The following BRD9 variants were observed in gnomAD, a reference collection of about 807,000 sequenced individuals.
BRD9 encodes the protein bromodomain-containing protein 9.
A neutral mutation model predicts 68.7 loss-of-function variants in BRD9; 47 were observed. That is an observed-to-expected ratio of 0.68 (90% CI 0.54 to 0.87). The LOEUF (loss-of-function observed/expected upper bound fraction) is 0.87. Among genes scored for constraint, BRD9 ranks in the 40% least tolerant of loss-of-function variants. BRD9 has a pLI of 0.00. For synonymous variants in BRD9, 313 were observed against 293.9 expected, an observed-to-expected ratio of 1.06 and a Z score of -0.67; for missense variants, 670 against 748.4, an observed-to-expected ratio of 0.90 and a Z score of 1.22.
rs77521909 is a variant in BRD9 at position 887,787 on chromosome 5, G to A, written c.607-316C>T. Among the ~76,000 whole-genome samples the A allele has an allele frequency of 5.1e-3, 771 of 152,306 alleles. 6 individuals carry two copies. The highest frequency in any genetic ancestry group is 0.018 in the African/African-American group (732 of 41,574). ...ATTTCTCCAGAACATAAACAGGAAC[G>A]AGAAGCAACGACCCGATTCTTTCAA... On this transcript the variant is annotated intron_variant, in intron 5 of 15. Transcript: ENST00000467963.
rs556977204 is a variant in BRD9, at chr5:880,652, C to G, written c.1042+455G>C. ...TTACTTCCAGGCCAACAAAGTGCCCCTGACGGGCTGGACAGGCCTAGTGTG... is the reference window on the plus strand; with the variant it reads ...TTACTTCCAGGCCAACAAAGTGCCCGTGACGGGCTGGACAGGCCTAGTGTG... On this transcript the variant is annotated intron_variant, in intron 9 of 15. Coordinates refer to ENST00000467963, the MANE Select transcript of BRD9 (RefSeq NM_023924.5). 3.9e-5 allele frequency among the ~76,000 whole-genome samples: 6 copies of G among 152,328 alleles called. No individual in the cohort carries two copies. The East Asian group carries it at 1.2e-3, about 29-fold the overall frequency.
At chr5:883,444 A>G (rs1268132689) in intron 8 of BRD9, 2 of 456,648 alleles carry the variant, frequency 4.4e-6, no homozygotes, top group Admixed American at 4.7e-5. Flanking sequence ...TGGGTCTAGA[A>G]CGTCTCCTGC....
intron 3 of BRD9, among the ~76,000 whole-genome samples, chr5:890,575 T>G (rs1471972561): frequency 6.6e-6 from 1 of 152,160 alleles, no homozygotes; most frequent in Non-Finnish European, 1.5e-5. Flanking sequence ...ACGACAGAGA[T>G]TCTACTAAAG....
intron 6 of BRD9, 51 bp downstream of exon 6, chr5:887,310 G>C (rs1276748338): frequency 6.8e-7 from 1 of 1,477,822 alleles, no homozygotes; most frequent in Non-Finnish European, 9.4e-7. Context: ...CAAGCGACGG[G>C]GGGCAGAGCC....
In BRD9 at chr5:892,688, G is replaced by T; in HGVS notation, c.-31C>A. 7.3e-7 allele frequency: 1 copy of T among 1,377,844 alleles called. No individual in the cohort carries two copies. The highest frequency in any genetic ancestry group is 1.7e-5 in the South Asian group (1 of 57,878). 85.4% of individuals were successfully genotyped at this position (1,377,844 alleles called of 1,614,324 possible). On this transcript the variant is annotated 5_prime_UTR_variant, in exon 1 of 16. Transcript: ENST00000467963. ...CGCCGGCGGCGGGCCCGAGGCGGGGGCTGGGAACAGCTGGCACCCGGTCGG... is the reference window on the plus strand; with the variant it reads ...CGCCGGCGGCGGGCCCGAGGCGGGGTCTGGGAACAGCTGGCACCCGGTCGG...
At chr5:876,317 C>A in intron 11 of BRD9, 105 bp from the exon 12 acceptor site, 1 of 758,134 alleles carries the variant, frequency 1.3e-6, no homozygotes, top group Admixed American at 2.3e-5. Context: ...GCTCCTCGGT[C>A]CCCGTGACCC....
chr5:883,521 C>T (rs1211317167), intron 8 of BRD9: 2 of 439,204 alleles, frequency 4.6e-6, no homozygotes, highest in South Asian at 1.6e-5. Flanking sequence ...GCAGGAGCCA[C>T]GTGAACACAG....
rs1189021508 is a variant in BRD9 at position 863,988 on chromosome 5, A to G, written c.*480T>C. On this transcript the variant is annotated 3_prime_UTR_variant, in exon 16 of 16. Transcript: ENST00000467963. ...GACACACCCATGCCTGTGCCTCCCA[A>G]GAGCGACCCCAGGACAGTGGGGCAG... is the stretch of plus-strand genomic sequence containing the variant. 6 of 155,596 alleles carry G rather than the reference A, an allele frequency of 3.9e-5. No individual in the cohort carries two copies. Among genetic ancestry groups the G allele is most frequent in the Non-Finnish European group, 8.6e-5 (6 of 70,000 alleles). The allele number at this position is 155,596 out of a possible 1,614,324, so 9.6% of individuals were successfully genotyped here. A position where few individuals can be genotyped will look rare whatever the true frequency, so the allele number is the denominator to read the frequency against.
At chr5:873,028 G>A (rs899653016) in intron 12 of BRD9, among the ~76,000 whole-genome samples, 3 of 152,106 alleles carry the variant, frequency 2.0e-5, no homozygotes, top group Non-Finnish European at 4.4e-5. Context: ...AGCCAGGTGT[G>A]GTGGCGCATG....
In BRD9 at chr5:881,144, G is replaced by A. The variant is rs1282860808; in HGVS notation, c.1005C>T (p.Leu335=). ...YLKRNGDGSL[L]YSVVNTAEPD... ...GCTCGGCCGTGTTGACCACGCTGTA[G>A]AGCAGGCTCCCGTCCCCGTTCCTCT... Residue 335 remains leucine, a synonymous_variant, in exon 9 of 16, where the codon CTC becomes CTT. Transcript: ENST00000467963. The A allele has an allele frequency of 6.2e-7, 1 of 1,614,098 alleles. No individual in the cohort carries two copies. The highest frequency in any genetic ancestry group is 1.1e-5 in the South Asian group (1 of 91,088).
intron 1 of BRD9, 48 bp downstream of exon 1, chr5:892,558 G>A (rs1298063467): frequency 6.5e-7 from 1 of 1,529,016 alleles, no homozygotes; most frequent in Non-Finnish European, 8.8e-7. Context: ...CTCCTCCCCC[G>A]TGCCCGGGAC....
At position 892,772 on chromosome 5, in the gene BRD9, T is replaced by G. The variant is rs1246556713; in HGVS notation, c.-115A>C. 13 of 1,117,852 alleles carry G rather than the reference T, an allele frequency of 1.2e-5. No individual in the cohort carries two copies. Among genetic ancestry groups the G allele is most frequent in the Non-Finnish European group, 1.5e-5 (13 of 887,040 alleles). The allele number at this position is 1,117,852 out of a possible 1,614,324, so 69.2% of individuals were successfully genotyped here. A position where few individuals can be genotyped will look rare whatever the true frequency, so the allele number is the denominator to read the frequency against. Reference sequence around the variant, plus strand: ...GCCGCCCGCGCTCGCTGCGCCGAGGTTGCCGAGCTCGCTGGGCCGCGCCGG... The same window carrying G: ...GCCGCCCGCGCTCGCTGCGCCGAGGGTGCCGAGCTCGCTGGGCCGCGCCGG... On this transcript the variant is annotated 5_prime_UTR_variant, in exon 1 of 16. Transcript: ENST00000467963.
chr5:891,214 T>G lies in BRD9; in HGVS notation c.341A>C (p.Lys114Thr), dbSNP rs1429758604. Residue 114 changes from lysine (K) to threonine (T), a missense_variant, in exon 3 of 16, where the codon AAG becomes ACG. By Grantham distance (78) the Lys-to-Thr change is moderately conservative. This residue lies in a region of BRD9 where 161 missense variants were observed against 148.1 expected (regional missense o/e 1.09). Transcript: ENST00000467963. ...TGGGGGCGGCTCCACCTCCACCTTCTTCCCAGGATCAAAGTCGTCAGCCTC... is the reference window on the plus strand; with the variant it reads ...TGGGGGCGGCTCCACCTCCACCTTCGTCCCAGGATCAAAGTCGTCAGCCTC... The part of the protein sequence containing the change: ...EGEADDFDPG[K>T]KVEVEPPPDR... 9.7e-6 allele frequency: 15 copies of G among 1,551,948 alleles called. No individual in the cohort carries two copies. The highest frequency in any genetic ancestry group is 1.2e-5 in the Non-Finnish European group (14 of 1,147,100).
chr5:884,122 C>T (rs369437017), intron 7 of BRD9, 52 bp from the exon 8 acceptor site: 2 of 1,592,938 alleles, frequency 1.3e-6, no homozygotes, highest in African/African-American at 2.7e-5. Context: ...CCACCGCACA[C>T]CTGCTCCCCA....
At chr5:890,552 G>A (rs530400191) in intron 3 of BRD9, among the ~76,000 whole-genome samples, 12 of 152,192 alleles carry the variant, frequency 7.9e-5, no homozygotes, top group Non-Finnish European at 1.5e-4. Context: ...GCCATCCTTC[G>A]CAGATGGTGC....
intron 6 of BRD9, chr5:887,026 G>C: frequency 1.9e-6 from 1 of 518,428 alleles, no homozygotes; most frequent in Non-Finnish European, 3.5e-6. Context: ...CACTCAGGAT[G>C]GCCAAGGAAG....
At chr5:876,313 C>T (rs988891110) in intron 11 of BRD9, 101 bp from the exon 12 acceptor site, 4 of 819,438 alleles carry the variant, frequency 4.9e-6, no homozygotes, top group African/African-American at 3.4e-5. Context: ...CGCAGCTCCT[C>T]GGTCCCCGTG....
intron 12 of BRD9, among the ~76,000 whole-genome samples, chr5:874,738 A>C (rs894507808): frequency 3.3e-5 from 5 of 152,264 alleles, no homozygotes; most frequent in African/African-American, 1.2e-4. Context: ...CCAAGTGATG[A>C]GCAGCGCGGG....
At chr5:880,786 G>A (rs950709948) in intron 9 of BRD9, among the ~76,000 whole-genome samples, 4 of 152,356 alleles carry the variant, frequency 2.6e-5, no homozygotes, top group Middle Eastern at 6.8e-3. Flanking sequence ...GCTGAAGACT[G>A]AGCTCGGGAT....
Sources: allele counts gnomAD v4.1 joint callset (sites outside exome capture counted in the v4.1 genomes callset), GRCh38; gene constraint gnomAD v4.1.1; regional missense constraint gnomAD v4.1.1; transcripts MANE v1.5; gene names NCBI Gene and HGNC (gene_info 2026-07-23, HGNC 2026-07-21).